P2RY14: variants seen among roughly 807,000 people sequenced by gnomAD.
P2RY14 encodes P2Y purinoceptor 14.
A neutral mutation model predicts 0.9 loss-of-function variants in P2RY14; 2 were observed. The observed-to-expected ratio is 2.16, with a 90% confidence interval of 0.88 to 6.79. The LOEUF is 6.79. P2RY14 is among the 30% of genes most tolerant of loss of function. The probability of loss-of-function intolerance (pLI) is 0.05; values close to 1 mark genes in which losing one functional copy is unlikely to be tolerated. For synonymous variants in P2RY14, 158 were observed against 147.2 expected (o/e 1.07, Z -0.53); for missense variants, 378 against 400.1 (o/e 0.94, Z 0.47).
At chr3:151,241,064 T>TA (rs1038504628) in intron 1 of P2RY14, among the ~76,000 whole-genome samples, 11 of 151,950 alleles carry the variant, frequency 7.2e-5, no homozygotes, top group African/African-American at 2.4e-4. Context: ...CGGGGGACTA[T>TA]ACTCATGGGA....
At chr3:151,232,046 G>A (rs564850062) in intron 1 of P2RY14, among the ~76,000 whole-genome samples, 4 of 152,136 alleles carry the variant, frequency 2.6e-5, no homozygotes, top group Non-Finnish European at 4.4e-5. Flanking sequence ...CCTGTGCTCC[G>A]TGCCTGACAG....
intron 1 of P2RY14, among the ~76,000 whole-genome samples, chr3:151,241,633 C>CACATATAT (rs983318395): frequency 2.6e-5 from 4 of 152,126 alleles, no homozygotes; most frequent in Non-Finnish European, 5.9e-5. Context: ...TGTATATACA[C>CACATATAT]ACACAGTAGG....
intron 1 of P2RY14, among the ~76,000 whole-genome samples, chr3:151,277,910 T>C (rs1742163488): frequency 9.9e-5 from 15 of 152,246 alleles, no homozygotes; most frequent in Admixed American, 9.8e-4. Flanking sequence ...GACCTAAGTA[T>C]TATGCTAATC....
chr3:151,272,600 A>G (rs1741148664), intron 1 of P2RY14, among the ~76,000 whole-genome samples: 2 of 152,184 alleles, frequency 1.3e-5, no homozygotes, highest in South Asian at 4.1e-4. Context: ...ATACTCGGGA[A>G]AGGTTGTTTG....
At chr3:151,255,970 C>G (rs180699383) in intron 1 of P2RY14, among the ~76,000 whole-genome samples, 1 of 152,168 alleles carries the variant, frequency 6.6e-6, no homozygotes, top group Non-Finnish European at 1.5e-5. Flanking sequence ...ACTATAATGC[C>G]TAGCTCTAAG....
At position 151,255,844 on chromosome 3, in the gene P2RY14, C is replaced by T. The variant is rs139904766; in HGVS notation, c.-133+22443G>A. On this transcript the variant is annotated intron_variant, in intron 1 of 2. Transcript: ENST00000309170. ...CACTGCCTTGTATAAACCAGGAGAC[C>T]TCAGGCTGGTAATGTAATCTCTCTC... Among the ~76,000 whole-genome samples, 993 of 152,284 alleles carry T rather than the reference C, an allele frequency of 6.5e-3. 4 individuals are homozygous for T. Among genetic ancestry groups the T allele is most frequent in the Admixed American group, 0.011 (165 of 15,296 alleles).
In P2RY14 at chr3:151,254,817, T is replaced by G. The variant is rs540474495; in HGVS notation, c.-133+23470A>C. Among the ~76,000 whole-genome samples the G allele has an allele frequency of 6.6e-4, 100 of 152,350 alleles. 3 individuals carry two copies. In the South Asian group the frequency reaches 0.02, roughly 31 times the overall value. ...ACCTCTAGCTTACCAGTTTTAGGCC[T>G]TTTGCTTTTGGCAGGTTGCAATTAT... On this transcript the variant is annotated intron_variant, in intron 1 of 2. Transcript: ENST00000309170.
rs769198903 is a variant in P2RY14, at chr3:151,229,564, C to T, written c.-132-9922G>A. On this transcript the variant is annotated intron_variant, in intron 1 of 2. Transcript: ENST00000309170. ...CACGATCTTGGCTCACTGCAAGATC[C>T]GCCTCCCGGGTTCATGCCATTTTCC... 8.1e-4 allele frequency among the ~76,000 whole-genome samples: 122 copies of T among 150,376 alleles called. 1 individual carries two copies. The highest frequency in any genetic ancestry group is 3.4e-3 in the Middle Eastern group (1 of 292).
intron 1 of P2RY14, among the ~76,000 whole-genome samples, chr3:151,232,237 C>G (rs1731834401): frequency 6.6e-6 from 1 of 152,170 alleles, no homozygotes; most frequent in South Asian, 2.1e-4. Context: ...TTACTTAAAA[C>G]ATTGTTTGTA....
At chr3:151,258,459 C>T (rs995185014) in intron 1 of P2RY14, among the ~76,000 whole-genome samples, 2 of 152,106 alleles carry the variant, frequency 1.3e-5, no homozygotes, top group African/African-American at 4.8e-5. Context: ...CTGAGGCTGG[C>T]CCTGGGTTAA....
At chr3:151,220,515 GTAA>G (rs1390631434) in intron 1 of P2RY14, among the ~76,000 whole-genome samples, 2 of 152,112 alleles carry the variant, frequency 1.3e-5, no homozygotes, top group African/African-American at 4.8e-5. Flanking sequence ...TGTAGCTCCC[GTAA>G]TACCCACATG....
At position 151,245,303 on chromosome 3, in the gene P2RY14, A is replaced by G. The variant is rs202037968; in HGVS notation, c.-132-25661T>C. Among the ~76,000 whole-genome samples, 39 of 152,166 alleles carry G rather than the reference A, an allele frequency of 2.6e-4. No homozygotes were observed. The East Asian group carries it at 6.9e-3, about 27-fold the overall frequency. On this transcript the variant is annotated intron_variant, in intron 1 of 2. Transcript: ENST00000309170. ...CATCATTCTGATACCAAAGCTGGGC[A>G]GAGACACAACCAACAAAGAGAATTT...
intron 1 of P2RY14, among the ~76,000 whole-genome samples, chr3:151,253,934 T>C (rs1044939207): frequency 1.8e-4 from 28 of 152,216 alleles, no homozygotes; most frequent in Admixed American, 9.8e-4. Context: ...CTACTTTTTT[T>C]TTCTTCTTCT....
chr3:151,255,021 A>G (rs948570690), intron 1 of P2RY14, among the ~76,000 whole-genome samples: 14 of 152,188 alleles, frequency 9.2e-5, no homozygotes, highest in African/African-American at 3.1e-4. Context: ...ATACTTAACA[A>G]TATAAATATA....
At chr3:151,230,004 C>G (rs537272398) in intron 1 of P2RY14, among the ~76,000 whole-genome samples, 2 of 151,490 alleles carry the variant, frequency 1.3e-5, no homozygotes, top group African/African-American at 4.9e-5. Context: ...GAGTCTCGCT[C>G]TGTTGCCCAG....
chr3:151,249,014 A>G (rs1736326648), intron 1 of P2RY14: 1 of 152,216 alleles, frequency 6.6e-6, no homozygotes, highest in Non-Finnish European at 1.5e-5. Context: ...AAATCAAAAC[A>G]TTTAAAGTGC....
At chr3:151,256,086 A>G (rs1052981167) in intron 1 of P2RY14, among the ~76,000 whole-genome samples, 1 of 152,214 alleles carries the variant, frequency 6.6e-6, no homozygotes, top group African/African-American at 2.4e-5. Flanking sequence ...ATACAGTGCT[A>G]TGCTTTGTGT....
At chr3:151,233,757 G>A (rs1463798197) in intron 1 of P2RY14, among the ~76,000 whole-genome samples, 1 of 152,122 alleles carries the variant, frequency 6.6e-6, no homozygotes, top group Non-Finnish European at 1.5e-5. Flanking sequence ...CAAAAACACA[G>A]CACCGACTTG....
intron 1 of P2RY14, among the ~76,000 whole-genome samples, chr3:151,265,777 G>T (rs1466530527): frequency 2.0e-5 from 3 of 152,072 alleles, no homozygotes; most frequent in African/African-American, 4.8e-5. Context: ...TCTGTCTTAT[G>T]TATTGGTAAG....
Sources: gnomAD v4.1 joint callset for allele counts (sites outside exome capture counted in the v4.1 genomes callset) on GRCh38, gnomAD v4.1.1 for gene constraint, MANE v1.5 for transcripts, NCBI Gene and HGNC (gene_info 2026-07-23, HGNC 2026-07-21) for gene names.